Variants in SETBP1 observed in about 807,000 individuals in gnomAD.
SETBP1 encodes SET-binding protein.
In SETBP1, 9 loss-of-function variants were observed where a neutral mutation model predicts 101.0. The observed-to-expected ratio is 0.09, with a 90% CI of 0.05 to 0.16. The LOEUF (loss-of-function observed/expected upper bound fraction) is 0.16, where lower values mean the gene tolerates loss of function less well. Ranked by LOEUF, SETBP1 falls within the 10% of genes least tolerant of loss-of-function variation. The pLI is 1.00. For missense variants in SETBP1, 1,858 were observed against 2,033.8 expected (o/e 0.91, Z 1.66); for synonymous variants, 818 against 788.5 (o/e 1.04, Z -0.63).
At position 44,706,129 on chromosome 18, in the gene SETBP1, G is replaced by T. The variant is rs187051322; in HGVS notation, c.486+4297G>T. 2.6e-5 allele frequency among the ~76,000 whole-genome samples: 4 copies of T among 152,234 alleles called. No individual in the cohort carries two copies. The East Asian group carries it at 7.8e-4, about 30-fold the overall frequency. ...CTCTCCTTTGGACAGGTCTAATTTT[G>T]CAGATGGACCCCACACATGTAACTT... On this transcript the variant is annotated intron_variant, in intron 2 of 5. Coordinates refer to ENST00000649279, the MANE Select transcript of SETBP1 (RefSeq NM_015559.3).
At chr18:44,756,780 A>T (rs1357697091) in intron 2 of SETBP1, among the ~76,000 whole-genome samples, 4 of 152,096 alleles carry the variant, frequency 2.6e-5, no homozygotes. Context: ...TGCCATTCTC[A>T]GTGCTTCCCA....
chr18:44,922,780 G>A (rs1323785432), intron 3 of SETBP1, among the ~76,000 whole-genome samples: 3 of 152,274 alleles, frequency 2.0e-5, no homozygotes, highest in African/African-American at 7.2e-5. Flanking sequence ...TCAAGCTAAA[G>A]GGGCACAGCA....
At chr18:44,806,962 C>T (rs116386808) in intron 2 of SETBP1, among the ~76,000 whole-genome samples, 1 of 151,972 alleles carries the variant, frequency 6.6e-6, no homozygotes, top group African/African-American at 2.4e-5. Flanking sequence ...CAGCCTGAAC[C>T]AGCAGCTTCC....
chr18:44,955,855 T>C (rs1330555749), intron 4 of SETBP1, among the ~76,000 whole-genome samples: 1 of 152,194 alleles, frequency 6.6e-6, no homozygotes, highest in East Asian at 1.9e-4. Flanking sequence ...GCACAGTGAT[T>C]GTGTGATGAT....
At chr18:45,061,009 C>T (rs1336520732) in intron 5 of SETBP1, among the ~76,000 whole-genome samples, 1 of 152,180 alleles carries the variant, frequency 6.6e-6, no homozygotes, top group East Asian at 1.9e-4. Flanking sequence ...TAATATATCA[C>T]ATAGCATTTG....
At position 45,065,587 on chromosome 18, in the gene SETBP1, A is replaced by G. The variant is rs1267014470; in HGVS notation, c.*1889A>G. On this transcript the variant is annotated 3_prime_UTR_variant, in exon 6 of 6. Transcript: ENST00000649279. ...CCAAGTTAATATGCTTGCAAACATT[A>G]CTGCTGCGTTATGGCACCAAGAGTT... 3 of 152,234 alleles carry G rather than the reference A, an allele frequency of 2.0e-5. No homozygotes were observed. In the East Asian group the frequency reaches 5.8e-4, roughly 29 times the overall value. The allele number at this position is 152,234 out of a possible 1,614,324, so 9.4% of individuals were successfully genotyped here.
intron 2 of SETBP1, among the ~76,000 whole-genome samples, chr18:44,826,531 G>A (rs1180638704): frequency 6.6e-6 from 1 of 152,190 alleles, no homozygotes; most frequent in African/African-American, 2.4e-5. Context: ...CAGGGTGAGA[G>A]AGTTGGGGGC....
In SETBP1 at chr18:44,951,341, T is replaced by C; in HGVS notation, c.2001T>C (p.Asn667=). ...VLDKKTIKTI[N]KMKTLKRKNI... ...ATAAGAAGACCATCAAAACTATCAA[T>C]AAGATGAAGACACTCAAGAGGAAAA... The change falls in exon 4 of 6, where the codon AAT becomes AAC. Residue 667 remains asparagine, a synonymous_variant. Transcript: ENST00000649279. The surrounding 1 kb of genome is among the most constrained non-coding windows in gnomAD (Gnocchi z 7.8). 1 of 1,613,808 alleles carries C rather than the reference T, an allele frequency of 6.2e-7. No individual in the cohort carries two copies. Among genetic ancestry groups the C allele is most frequent in the Non-Finnish European group, 8.5e-7 (1 of 1,180,010 alleles).
chr18:44,804,132 A>G (rs1423537802), intron 2 of SETBP1, among the ~76,000 whole-genome samples: 1 of 152,138 alleles, frequency 6.6e-6, no homozygotes, highest in Non-Finnish European at 1.5e-5. Flanking sequence ...ACTTGAAACA[A>G]AGAAAGGAAA....
At chr18:44,908,782 G>A (rs1188348663) in intron 3 of SETBP1, among the ~76,000 whole-genome samples, 2 of 152,136 alleles carry the variant, frequency 1.3e-5, no homozygotes, top group East Asian at 3.8e-4. Context: ...ATTTTCTCAC[G>A]TATTTAAAAA....
At chr18:44,735,907 A>C (rs934829964) in intron 2 of SETBP1, among the ~76,000 whole-genome samples, 3 of 152,314 alleles carry the variant, frequency 2.0e-5, no homozygotes, top group Admixed American at 1.3e-4. Flanking sequence ...GGGCAGTTTC[A>C]GCCTGAGGAA....
chr18:44,719,333 C>T (rs1224295945), intron 2 of SETBP1, among the ~76,000 whole-genome samples: 3 of 152,062 alleles, frequency 2.0e-5, no homozygotes, highest in Admixed American at 1.3e-4. Context: ...AAACTGCATC[C>T]GAGAGAGAAT....
chr18:44,971,383 A>G (rs1274765245), intron 4 of SETBP1, among the ~76,000 whole-genome samples: 1 of 152,196 alleles, frequency 6.6e-6, no homozygotes, highest in Non-Finnish European at 1.5e-5. Flanking sequence ...TCCTTTGGGT[A>G]TATACCCAGA....
At chr18:44,822,230 C>T (rs1599175332) in intron 2 of SETBP1, among the ~76,000 whole-genome samples, 1 of 152,184 alleles carries the variant, frequency 6.6e-6, no homozygotes, top group Non-Finnish European at 1.5e-5. Flanking sequence ...CAAGCACTCC[C>T]ATTTTGAGAA....
At chr18:44,785,239 C>T (rs1331581610) in intron 2 of SETBP1, among the ~76,000 whole-genome samples, 1 of 152,154 alleles carries the variant, frequency 6.6e-6, no homozygotes, top group Non-Finnish European at 1.5e-5. Flanking sequence ...GAGATTTTCT[C>T]TCTGACAGAG....
chr18:44,802,379 G>A (rs563746862), intron 2 of SETBP1, among the ~76,000 whole-genome samples: 1 of 152,270 alleles, frequency 6.6e-6, no homozygotes, highest in East Asian at 1.9e-4. Flanking sequence ...TACTTGTCAA[G>A]GCACAGGATT....
chr18:44,764,066 A>C (rs76998130), intron 2 of SETBP1, among the ~76,000 whole-genome samples: 5,982 of 152,316 alleles, frequency 0.039, 185 homozygotes, highest in Non-Finnish European at 0.063. Context: ...TTAAACCATC[A>C]GTCAAATTAG....
intron 2 of SETBP1, among the ~76,000 whole-genome samples, chr18:44,739,645 C>T (rs1325960538): frequency 6.6e-6 from 1 of 152,140 alleles, no homozygotes; most frequent in Non-Finnish European, 1.5e-5. Flanking sequence ...TCAGGTCTTT[C>T]ACATTTAAAA....
chr18:44,766,223 G>A (rs746323825), intron 2 of SETBP1, among the ~76,000 whole-genome samples: 1 of 152,236 alleles, frequency 6.6e-6, no homozygotes, highest in Non-Finnish European at 1.5e-5. Context: ...AATAGAGCAT[G>A]ATACATGGTC....
Sources: gnomAD v4.1 joint callset for allele counts (sites outside exome capture counted in the v4.1 genomes callset) on GRCh38, gnomAD v4.1.1 for gene constraint, Gnocchi (gnomAD v3.1) non-coding constraint, MANE v1.5 for transcripts, NCBI Gene and HGNC (gene_info 2026-07-23, HGNC 2026-07-21) for gene names.